Variants in SMARCC1 observed in about 807,000 individuals in gnomAD.
SMARCC1 encodes SWI/SNF complex subunit SMARCC1.
SMARCC1 carries 43 observed loss-of-function variants against 147.4 expected under a neutral mutation model. The ratio of observed to expected loss-of-function variants is 0.29; its 90% CI spans 0.23 to 0.38. The LOEUF (loss-of-function observed/expected upper bound fraction) is 0.38. Ranked by LOEUF, SMARCC1 falls within the 10% of genes least tolerant of loss-of-function variation. The pLI is 1.00. For synonymous variants in SMARCC1, 495 were observed against 484.4 expected (o/e 1.02, Z -0.29); for missense variants, 1,119 against 1,381.1 (o/e 0.81, Z 3.01).
intron 13 of SMARCC1, 95 bp from the exon 14 acceptor site, chr3:47,686,265 T>G: frequency 1.0e-6 from 1 of 983,356 alleles, no homozygotes; most frequent in Admixed American, 2.6e-5. Flanking sequence ...TTAAATAAAA[T>G]GAAGCTCCCC....
At chr3:47,621,505 C>T (rs983042608) in intron 25 of SMARCC1, among the ~76,000 whole-genome samples, 1 of 152,104 alleles carries the variant, frequency 6.6e-6, no homozygotes, top group Non-Finnish European at 1.5e-5. Flanking sequence ...ATGTCCCTTG[C>T]ACCACCATAG....
At chr3:47,626,390 T>C (rs1390431760) in intron 24 of SMARCC1, among the ~76,000 whole-genome samples, 2 of 148,670 alleles carry the variant, frequency 1.3e-5, no homozygotes, top group African/African-American at 5.0e-5. Flanking sequence ...ATGTGATCTG[T>C]CTGACTCAGC....
chr3:47,612,851 TG>T (rs1263741653), intron 25 of SMARCC1, among the ~76,000 whole-genome samples: 1 of 152,184 alleles, frequency 6.6e-6, no homozygotes, highest in Non-Finnish European at 1.5e-5. Context: ...TCCTATGAGT[TG>T]AGAGCAATGC....
intron 4 of SMARCC1, among the ~76,000 whole-genome samples, chr3:47,737,765 C>T (rs987022501): frequency 6.6e-6 from 1 of 151,964 alleles, no homozygotes; most frequent in Non-Finnish European, 1.5e-5. Context: ...ACACCATTCT[C>T]TTGCCTCAGC....
chr3:47,756,980 G>A (rs2034705834), intron 2 of SMARCC1, among the ~76,000 whole-genome samples: 1 of 152,146 alleles, frequency 6.6e-6, no homozygotes. Flanking sequence ...GCCAGGTATG[G>A]TGACTCACGC....
chr3:47,774,435 G>GT (rs1038545184), intron 1 of SMARCC1, among the ~76,000 whole-genome samples: 5 of 151,692 alleles, frequency 3.3e-5, no homozygotes, highest in African/African-American at 1.2e-4. Context: ...TTGTGTGTGT[G>GT]TTTTTGGAGT....
At chr3:47,762,894 G>GCCA (rs1559666213) in intron 2 of SMARCC1, among the ~76,000 whole-genome samples, 2 of 152,072 alleles carry the variant, frequency 1.3e-5, no homozygotes, top group African/African-American at 4.8e-5. Context: ...GTGAAACCCT[G>GCCA]TCTCTACTAA....
chr3:47,756,468 G>C (rs1414538787), intron 2 of SMARCC1, among the ~76,000 whole-genome samples: 1 of 147,454 alleles, frequency 6.8e-6, no homozygotes, highest in Non-Finnish European at 1.5e-5. Context: ...GGGAGGCGGA[G>C]GTTGCAGTGA....
intron 14 of SMARCC1, among the ~76,000 whole-genome samples, chr3:47,684,632 G>A (rs899246791): frequency 4.6e-5 from 7 of 151,914 alleles, no homozygotes; most frequent in African/African-American, 1.5e-4. Flanking sequence ...TAATAGAGAC[G>A]GGGTTTCACC....
chr3:47,708,808 T>A (rs1460619680), intron 9 of SMARCC1, among the ~76,000 whole-genome samples: 2 of 152,150 alleles, frequency 1.3e-5, no homozygotes, highest in Non-Finnish European at 1.5e-5. Context: ...TTTCTCTAAA[T>A]TTTTTATCAG....
intron 26 of SMARCC1, among the ~76,000 whole-genome samples, chr3:47,602,966 A>G (rs901235263): frequency 6.6e-6 from 1 of 152,200 alleles, no homozygotes; most frequent in Non-Finnish European, 1.5e-5. Context: ...CCTGGGCAAC[A>G]TAGTGAGACC....
At chr3:47,718,080 C>T (rs2034180313) in intron 7 of SMARCC1, among the ~76,000 whole-genome samples, 1 of 141,164 alleles carries the variant, frequency 7.1e-6, no homozygotes, top group East Asian at 2.1e-4. Context: ...TGGAGGATCA[C>T]TTGAGCTGTC....
chr3:47,780,453 T>C lies in SMARCC1; in HGVS notation c.195+1150A>G, dbSNP rs1017057076. 1.1e-4 allele frequency among the ~76,000 whole-genome samples: 16 copies of C among 152,026 alleles called. No individual in the cohort carries two copies. The East Asian group carries it at 3.1e-3, about 29-fold the overall frequency. On this transcript the variant is annotated intron_variant, in intron 1 of 27. Coordinates refer to ENST00000254480, the MANE Select transcript of SMARCC1 (RefSeq NM_003074.4). ...CCAAGCCGCGCCCGGCCAGAAATGG[T>C]CATTTCTGAATGTACCACGTGTAAT...
At chr3:47,749,730 AAGAGAC>A (rs1420036438) in intron 2 of SMARCC1, among the ~76,000 whole-genome samples, 7 of 50,516 alleles carry the variant, frequency 1.4e-4, no homozygotes, top group Non-Finnish European at 2.1e-4. Context: ...CACACAGAGA[AAGAGAC>A]AGAGAGAGAG....
chr3:47,589,743 T>G (rs2032146564), intron 27 of SMARCC1, among the ~76,000 whole-genome samples: 1 of 152,226 alleles, frequency 6.6e-6, no homozygotes, highest in South Asian at 2.1e-4. Context: ...CATCACAGTC[T>G]CATGTAACCT....
intron 9 of SMARCC1, among the ~76,000 whole-genome samples, chr3:47,708,792 C>CT (rs1161111514): frequency 6.6e-6 from 1 of 151,906 alleles, no homozygotes; most frequent in Admixed American, 6.6e-5. Context: ...TTTTTCTTTT[C>CT]TTTTTTTTCT....
chr3:47,638,508 T>C (rs759671930), intron 22 of SMARCC1, among the ~76,000 whole-genome samples: 26 of 152,320 alleles, frequency 1.7e-4, no homozygotes, highest in African/African-American at 6.0e-4. Context: ...GTTTAAAATA[T>C]AAAAGAAGAG....
intron 13 of SMARCC1, among the ~76,000 whole-genome samples, chr3:47,688,558 C>T (rs1001693735): frequency 2.4e-4 from 36 of 152,178 alleles, no homozygotes; most frequent in African/African-American, 3.6e-4. Flanking sequence ...GTAAACAAGA[C>T]GCCGTTTATT....
chr3:47,653,449 C>T (rs1257315127), intron 21 of SMARCC1, among the ~76,000 whole-genome samples: 1 of 152,136 alleles, frequency 6.6e-6, no homozygotes, highest in Non-Finnish European at 1.5e-5. Context: ...TAAATTATCA[C>T]AATAAATAGT....
Sources: allele counts gnomAD v4.1 joint callset (sites outside exome capture counted in the v4.1 genomes callset), GRCh38; gene constraint gnomAD v4.1.1; transcripts MANE v1.5; gene names NCBI Gene and HGNC (gene_info 2026-07-23, HGNC 2026-07-21).